The following BABAM1 variants were observed in gnomAD, a reference collection of about 807,000 sequenced individuals.
BABAM1 encodes the protein BRISC and BRCA1 A complex member 1.
BABAM1 carries 14 observed loss-of-function variants against 34.4 expected under a neutral mutation model. The observed-to-expected ratio is 0.41, with a 90% CI of 0.27 to 0.64. The LOEUF is 0.64. Ranked by LOEUF, BABAM1 falls within the 30% of genes least tolerant of loss-of-function variation. BABAM1 has a pLI of 0.34. For synonymous variants in BABAM1, 169 were observed against 165.8 expected (o/e 1.02, Z -0.15); for missense variants, 393 against 434.0 (o/e 0.91, Z 0.84).
intron 2 of BABAM1, among the ~76,000 whole-genome samples, chr19:17,269,674 C>T (rs1182292865): frequency 1.3e-5 from 2 of 151,934 alleles, no homozygotes; most frequent in Non-Finnish European, 2.9e-5. Flanking sequence ...TCTAGCCTCT[C>T]GTGGCTCCTG....
At chr19:17,275,572 G>A (rs757489804) in intron 5 of BABAM1, among the ~76,000 whole-genome samples, 28 of 152,354 alleles carry the variant, frequency 1.8e-4, no homozygotes, top group Admixed American at 7.8e-4. Context: ...TTGCAGGCGT[G>A]TGCCACCATG....
Position 17,268,812 on chromosome 19 carries a change from A to C in BABAM1, c.6A>C (p.Glu2Asp). Residue 2 changes from glutamate to aspartate, a missense_variant, in exon 2 of 9, where the codon GAA becomes GAC. Coordinates refer to ENST00000598188, the MANE Select transcript of BABAM1 (RefSeq NM_014173.4). ...CATCTAGCCACACAGGAGCCATGGA[A>C]GTGGCAGAGCCCAGCAGCCCCACTG... M[E>D]VAEPSSPTEE... 1 of 1,601,638 alleles carries C rather than the reference A, an allele frequency of 6.2e-7. No individual in the cohort carries two copies. Among genetic ancestry groups the C allele is most frequent in the Non-Finnish European group, 8.5e-7 (1 of 1,172,480 alleles).
intron 2 of BABAM1, among the ~76,000 whole-genome samples, chr19:17,270,055 C>T (rs1262627787): frequency 1.3e-5 from 2 of 151,794 alleles, no homozygotes; most frequent in Admixed American, 6.6e-5. Flanking sequence ...TTCAGCCTCC[C>T]GAGTAGCTGG....
At chr19:17,275,779 T>G in intron 5 of BABAM1, 22 bp from the exon 6 acceptor site, 1 of 1,613,732 alleles carries the variant, frequency 6.2e-7, no homozygotes, top group Non-Finnish European at 8.5e-7. Flanking sequence ...TCTACTAGCC[T>G]TCTCCTTAGC....
In BABAM1 at chr19:17,268,909, G is replaced by T; in HGVS notation, c.103G>T (p.Glu35Ter). The change falls in exon 2 of 9, where the codon GAG (glutamate) becomes TAG (stop). Residue 35 changes from glutamate to a stop codon, truncating the protein, a stop_gained. Coordinates refer to ENST00000598188, the MANE Select transcript of BABAM1 (RefSeq NM_014173.4). LOFTEE classifies it high-confidence loss of function. ...CACTCGCTCCAATCCTGAAGGGGCT[G>T]AGGACCGGGCAGTAGGGGCACAGGC... Reference protein sequence around the residue: ...PRTRSNPEGAEDRAVGAQASV... With the variant: ...PRTRSNPEGA 1 of 1,584,316 alleles carries T rather than the reference G, an allele frequency of 6.3e-7. No individual in the cohort carries two copies. Among genetic ancestry groups the T allele is most frequent in the Admixed American group, 1.8e-5 (1 of 54,824 alleles).
rs1210281779 is a variant in BABAM1, at chr19:17,271,652, A to G, written c.341A>G (p.Asn114Ser). 1.9e-6 allele frequency: 3 copies of G among 1,613,622 alleles called. No individual in the cohort carries two copies. Among genetic ancestry groups the G allele is most frequent in the African/African-American group, 2.7e-5 (2 of 74,924 alleles). The change falls in exon 3 of 9, where the codon AAC (asparagine) becomes AGC (serine). Residue 114 changes from asparagine (N) to serine (S), a missense_variant. Coordinates refer to ENST00000598188, the MANE Select transcript of BABAM1 (RefSeq NM_014173.4). ...EMSLPKLESFNGSKTNALNVS... is the reference protein window; with the variant it reads ...EMSLPKLESFSGSKTNALNVS... ...TCACTGCCAAAGCTGGAGTCGTTCA[A>G]CGGGTAAGAGGGACATTTTAGGGCT...
At chr19:17,276,168 G>A (rs1037273005) in intron 6 of BABAM1, among the ~76,000 whole-genome samples, 1 of 152,138 alleles carries the variant, frequency 6.6e-6, no homozygotes, top group Non-Finnish European at 1.5e-5. Flanking sequence ...CCAACATGGT[G>A]AAACCGCGTC....
chr19:17,268,672 A>T (rs1159567957), intron 1 of BABAM1, 122 bp from the exon 2 acceptor site: 1 of 1,109,916 alleles, frequency 9.0e-7, no homozygotes, highest in East Asian at 2.7e-5. Context: ...CAGGTGATCC[A>T]CCTGCCTCGG....
In BABAM1 at chr19:17,271,781, G is replaced by A. The variant is rs539790400; in HGVS notation, c.344+126G>A. ...TGGCTTCAGGCTTGGCAGTATCAGA[G>A]ATTAGCAAGAGCCAGGTGCAGTGGC... is the stretch of plus-strand genomic sequence containing the variant. On this transcript the variant is annotated intron_variant, in intron 3 of 8. Transcript: ENST00000598188. 236 of 1,079,080 alleles carry A rather than the reference G, an allele frequency of 2.2e-4. 1 individual carries two copies. In the South Asian group the frequency reaches 3.4e-3, roughly 15 times the overall value. The allele number at this position is 1,079,080 out of a possible 1,614,324, so 66.8% of individuals were successfully genotyped here. A position where few individuals can be genotyped will look rare whatever the true frequency, so the allele number is the denominator to read the frequency against.
At chr19:17,276,440 A>C (rs765664881) in intron 6 of BABAM1, 55 bp from the exon 7 acceptor site, 2 of 1,558,782 alleles carry the variant, frequency 1.3e-6, no homozygotes, top group East Asian at 4.8e-5. Flanking sequence ...CAGGGTGATA[A>C]GAGGGGCAGA....
intron 2 of BABAM1, among the ~76,000 whole-genome samples, chr19:17,270,524 CTTTTTTTT>C (rs955870596): frequency 4.0e-5 from 5 of 125,894 alleles, no homozygotes; most frequent in Non-Finnish European, 6.6e-5. Context: ...AGGTCACATT[CTTTTTTTT>C]TTTTTTTTTT....
In BABAM1 at chr19:17,276,234, C is replaced by A. The variant is rs552251633; in HGVS notation, c.570-261C>A. 3.2e-4 allele frequency: 174 copies of A among 543,848 alleles called. 4 individuals carry two copies. In the South Asian group the frequency reaches 3.5e-3, roughly 11 times the overall value. 33.7% of individuals were successfully genotyped at this position (543,848 alleles called of 1,614,324 possible). On this transcript the variant is annotated intron_variant, in intron 6 of 8. Transcript: ENST00000598188. Reference sequence around the variant, plus strand: ...CCTGTAATCCCAGCTACTTGAGAGGCCGAGGCAGGAGAATCGCTTGAACCT... The same window carrying A: ...CCTGTAATCCCAGCTACTTGAGAGGACGAGGCAGGAGAATCGCTTGAACCT...
chr19:17,277,974 G>A (rs1247942132), intron 8 of BABAM1, among the ~76,000 whole-genome samples: 1 of 151,572 alleles, frequency 6.6e-6, no homozygotes, highest in African/African-American at 2.4e-5. Flanking sequence ...TTGGGAGTTC[G>A]GACCAGCCTG....
intron 6 of BABAM1, 188 bp from the exon 7 acceptor site, chr19:17,276,307 G>T: frequency 1.3e-6 from 1 of 790,584 alleles, no homozygotes; most frequent in Admixed American, 2.6e-5. Flanking sequence ...TGCACTTAGA[G>T]GGGTGGGGCT....
intron 3 of BABAM1, 128 bp from the exon 4 acceptor site, chr19:17,273,772 CCAGG>C (rs2073874574): frequency 8.3e-7 from 1 of 1,211,534 alleles, no homozygotes; most frequent in Non-Finnish European, 1.1e-6. Context: ...ACCATCTTGA[CCAGG>C]CTGGTGTTGA....
chr19:17,276,602 T>G lies in BABAM1; in HGVS notation c.677T>G (p.Phe226Cys), dbSNP rs1555717075. 1 of 1,606,134 alleles carries G rather than the reference T, an allele frequency of 6.2e-7. No individual in the cohort carries two copies. Among genetic ancestry groups the G allele is most frequent in the South Asian group, 1.1e-5 (1 of 89,262 alleles). Residue 226 changes from phenylalanine to cysteine, a missense_variant, in exon 7 of 9, where the codon TTC (phenylalanine) becomes TGC (cysteine). Transcript: ENST00000598188. Reference protein sequence around the residue: ...VYSRPPCQPQFSLTEPMKKMF... With the variant: ...VYSRPPCQPQCSLTEPMKKMF... ...AGCCGTCCACCTTGCCAGCCCCAGT[T>G]CTCCTTGACGGAGCCCATGAAGGTG...
At chr19:17,272,051 G>A (rs970934595) in intron 3 of BABAM1, among the ~76,000 whole-genome samples, 5 of 151,886 alleles carry the variant, frequency 3.3e-5, no homozygotes, top group Admixed American at 3.3e-4. Context: ...AGCCATTCTT[G>A]TGCCTCATCC....
rs2073876593 is a variant in BABAM1 at position 17,273,900 on chromosome 19, C to G, written c.345-4C>G. On this transcript the variant is annotated splice_polypyrimidine_tract_variant and splice_region_variant and intron_variant, in intron 3 of 8. Transcript: ENST00000598188. ...TAATTCCCCTGTACTCTCTGCCTCCCCAGCTCCAAAACCAACGCCCTCAAT... is the reference window on the plus strand; with the variant it reads ...TAATTCCCCTGTACTCTCTGCCTCCGCAGCTCCAAAACCAACGCCCTCAAT... 1 of 1,604,700 alleles carries G rather than the reference C, an allele frequency of 6.2e-7. No homozygotes were observed. The highest frequency in any genetic ancestry group is 1.3e-5 in the African/African-American group (1 of 74,766).
intron 3 of BABAM1, among the ~76,000 whole-genome samples, chr19:17,272,958 C>T (rs958361403): frequency 1.3e-5 from 2 of 152,016 alleles, no homozygotes; most frequent in African/African-American, 4.8e-5. Flanking sequence ...ATGGAGGTTG[C>T]GGTGAGCCAA....
Sources: allele counts gnomAD v4.1 joint callset (sites outside exome capture counted in the v4.1 genomes callset), GRCh38; gene constraint gnomAD v4.1.1; transcripts MANE v1.5; gene names NCBI Gene and HGNC (gene_info 2026-07-23, HGNC 2026-07-21).